Variants in ZNF76 observed in about 807,000 individuals in gnomAD.
The protein encoded by ZNF76 is zinc finger protein 523.
In ZNF76, 66 loss-of-function variants were observed where a neutral mutation model predicts 66.9. That is an observed-to-expected ratio of 0.99 (90% CI 0.81 to 1.21). The LOEUF is 1.21. Ranked by LOEUF, ZNF76 falls within the 50% of genes most tolerant of loss-of-function variation. ZNF76 has a pLI of 0.00. For synonymous variants in ZNF76, 275 were observed against 296.1 expected, an observed-to-expected ratio of 0.93 and a Z score of 0.73; for missense variants, 729 against 760.3, an observed-to-expected ratio of 0.96 and a Z score of 0.48.
chr6:35,265,808 T>G (rs992390249), intron 1 of ZNF76, among the ~76,000 whole-genome samples: 1 of 148,914 alleles, frequency 6.7e-6, no homozygotes, highest in Non-Finnish European at 1.5e-5. Flanking sequence ...GCGGTGGGGG[T>G]GAATTGGGGG....
Position 35,294,525 on chromosome 6 carries a change from G to A in ZNF76, c.1564G>A (p.Val522Met), listed in dbSNP as rs762716336. 7 of 1,614,114 alleles carry A rather than the reference G, an allele frequency of 4.3e-6. No homozygotes were observed. Among genetic ancestry groups the A allele is most frequent in the Non-Finnish European group, 5.9e-6 (7 of 1,179,966 alleles). Reference protein sequence around the residue: ...SSVASLRHQQVALLATANGTH... With the variant: ...SSVASLRHQQMALLATANGTH... The stretch of plus-strand genomic sequence containing the variant: ...TGTAGCATCTCTTCGTCATCAACAG[G>A]TGGCACTGTTGGCCACAGCCAACGG... The change falls in exon 13 of 14, where the codon GTG becomes ATG. Residue 522 changes from valine to methionine, a missense_variant. By Grantham distance (21) the Val-to-Met change is conservative. Transcript: ENST00000373953.
chr6:35,271,084 C>T lies in ZNF76; in HGVS notation c.-96-9972C>T, dbSNP rs533744434. Among the ~76,000 whole-genome samples the T allele has an allele frequency of 1.1e-4, 16 of 152,260 alleles. No individual in the cohort carries two copies. In the East Asian group the frequency reaches 1.5e-3, roughly 15 times the overall value. On this transcript the variant is annotated intron_variant, in intron 1 of 13. Coordinates refer to ENST00000373953, the MANE Select transcript of ZNF76 (RefSeq NM_003427.5). ...TAAGGAGCTTCCTCATTTATGTCTA[C>T]GTAGTATGGAAGTTTGATATTGATG...
In ZNF76 at chr6:35,291,596, C is replaced by T. The variant is rs375918169; in HGVS notation, c.790C>T (p.Arg264Cys). 2.0e-5 allele frequency: 32 copies of T among 1,613,844 alleles called. No individual in the cohort carries two copies. Among genetic ancestry groups the T allele is most frequent in the Non-Finnish European group, 2.4e-5 (28 of 1,179,900 alleles). ...PFQCPFEGCGRSFTTSNIRKV... is the reference protein window; with the variant it reads ...PFQCPFEGCGCSFTTSNIRKV... The stretch of plus-strand genomic sequence containing the variant: ...CCAGTGCCCTTTTGAGGGCTGTGGC[C>T]GCTCCTTCACCACATCTAACATCCG... Residue 264 changes from arginine to cysteine, a missense_variant, in exon 9 of 14, where the codon CGC becomes TGC. By Grantham distance (180) the Arg-to-Cys change is radical. Transcript: ENST00000373953.
chr6:35,267,064 G>T (rs1465013027), intron 1 of ZNF76, among the ~76,000 whole-genome samples: 1 of 151,962 alleles, frequency 6.6e-6, no homozygotes, highest in Non-Finnish European at 1.5e-5. Context: ...CTCCCAAAGT[G>T]CTGGGATTAC....
At chr6:35,285,915 G>C (rs971379635) in intron 2 of ZNF76, among the ~76,000 whole-genome samples, 2 of 60,706 alleles carry the variant, frequency 3.3e-5, no homozygotes, top group Admixed American at 2.0e-4. Context: ...TCTGTTGGGA[G>C]GTGATGGGTT....
chr6:35,279,986 T>A (rs915615163), intron 1 of ZNF76, among the ~76,000 whole-genome samples: 2 of 136,598 alleles, frequency 1.5e-5, no homozygotes, highest in Non-Finnish European at 3.2e-5. Context: ...CATGTGCCAC[T>A]ACACCTGGCT....
Position 35,281,226 on chromosome 6 carries a change from T to TA in ZNF76, c.73+4dup, listed in dbSNP as rs1431244933. 4.3e-6 allele frequency: 7 copies of TA among 1,613,148 alleles called. No homozygotes were observed. Among genetic ancestry groups the TA allele is most frequent in the Non-Finnish European group, 5.1e-6 (6 of 1,179,902 alleles). Reference sequence around the variant, plus strand: ...CCTACGTCCAGCAAGCTGTCAAAGGTAAGTATTTCTGGGGACCTCAGGATC... The same window carrying TA: ...CCTACGTCCAGCAAGCTGTCAAAGGTAAAGTATTTCTGGGGACCTCAGGATC... On this transcript the variant is annotated splice_region_variant and intron_variant, in intron 2 of 13. Transcript: ENST00000373953.
At chr6:35,269,497 A>G (rs1329880254) in intron 1 of ZNF76, among the ~76,000 whole-genome samples, 1 of 152,162 alleles carries the variant, frequency 6.6e-6, no homozygotes, top group Non-Finnish European at 1.5e-5. Context: ...TAAGAAGGCC[A>G]GATACAACTT....
At chr6:35,293,621 C>T in intron 11 of ZNF76, 130 bp from the exon 12 acceptor site, 1 of 1,121,720 alleles carries the variant, frequency 8.9e-7, no homozygotes, top group South Asian at 1.5e-5. Flanking sequence ...GCCTGTCACC[C>T]ATCCCTTCCA....
At chr6:35,272,469 CTGTGTGTGTGTGTGTGTGTGTGTG>C (rs58456911) in intron 1 of ZNF76, among the ~76,000 whole-genome samples, 51 of 149,360 alleles carry the variant, frequency 3.4e-4, no homozygotes, top group South Asian at 1.1e-3. Context: ...GACCCTGTTT[CTGTGTGTGTGTGTGTGTGTGTGTG>C]TGTGTGTGTG....
intron 2 of ZNF76, among the ~76,000 whole-genome samples, chr6:35,285,464 G>A (rs190024477): frequency 9.2e-5 from 14 of 152,178 alleles, no homozygotes; most frequent in East Asian, 1.9e-4. Flanking sequence ...TTTTATATTC[G>A]TTAACTCATT....
intron 1 of ZNF76, 112 bp from the exon 2 acceptor site, chr6:35,280,944 G>T: frequency 1.7e-6 from 1 of 588,444 alleles, no homozygotes; most frequent in Non-Finnish European, 3.0e-6. Flanking sequence ...CTACTTTGAA[G>T]AATTCATCTT....
At chr6:35,276,036 G>C (rs1359774831) in intron 1 of ZNF76, among the ~76,000 whole-genome samples, 1 of 152,188 alleles carries the variant, frequency 6.6e-6, no homozygotes, top group Non-Finnish European at 1.5e-5. Context: ...AGTAGTGTTG[G>C]AACCTTGGAC....
chr6:35,261,634 T>A (rs1785268648), intron 1 of ZNF76, among the ~76,000 whole-genome samples: 1 of 152,216 alleles, frequency 6.6e-6, no homozygotes, highest in Admixed American at 6.5e-5. Context: ...TTGCCTGTCT[T>A]TCCCCCAGAC....
intron 13 of ZNF76, 135 bp from the exon 14 acceptor site, chr6:35,295,009 C>T (rs1334240497): frequency 1.6e-6 from 1 of 644,314 alleles, no homozygotes; most frequent in African/African-American, 1.8e-5. Flanking sequence ...TATTGGAGCC[C>T]TACTAAGTGC....
chr6:35,282,103 C>T (rs748994547), intron 2 of ZNF76, among the ~76,000 whole-genome samples: 28 of 151,996 alleles, frequency 1.8e-4, no homozygotes, highest in Admixed American at 6.6e-4. Context: ...ATACATACAT[C>T]CCAAATGTTG....
Position 35,293,036 on chromosome 6 carries a change from G to T in ZNF76, c.1321G>T (p.Ala441Ser), listed in dbSNP as rs776885588. The T allele has an allele frequency of 1.9e-6, 3 of 1,613,986 alleles. No individual in the cohort carries two copies. The Middle Eastern group carries it at 5.0e-4, about 266-fold the overall frequency. ...GGTGGCTCTGATCACTCAGGATGGTGCCCAGCAGGTACAGGCCCTGGAGGG... is the reference window on the plus strand; with the variant it reads ...GGTGGCTCTGATCACTCAGGATGGTTCCCAGCAGGTACAGGCCCTGGAGGG... Reference protein sequence around the residue: ...PQVALITQDGAQQVSLSPEDL... With the variant: ...PQVALITQDGSQQVSLSPEDL... Residue 441 changes from alanine (A) to serine (S), a missense_variant, in exon 11 of 14, where the codon GCC (alanine) becomes TCC (serine). Ala to Ser is a moderately conservative substitution (Grantham distance 99, BLOSUM62 1). Coordinates refer to ENST00000373953, the MANE Select transcript of ZNF76 (RefSeq NM_003427.5).
chr6:35,291,952 G>GT, intron 9 of ZNF76: 1 of 618,098 alleles, frequency 1.6e-6, no homozygotes. Context: ...GGTATTGCCA[G>GT]TCCTCTCTGG....
chr6:35,268,846 A>G (rs1786551212), intron 1 of ZNF76, among the ~76,000 whole-genome samples: 1 of 152,082 alleles, frequency 6.6e-6, no homozygotes, highest in Admixed American at 6.5e-5. Flanking sequence ...TGTCTTTAAC[A>G]GATGGCCCTA....
Sources: gnomAD v4.1 joint callset for allele counts (sites outside exome capture counted in the v4.1 genomes callset) on GRCh38, gnomAD v4.1.1 for gene constraint, MANE v1.5 for transcripts, NCBI Gene and HGNC (gene_info 2026-07-23, HGNC 2026-07-21) for gene names.